NUP188: variants seen among roughly 807,000 people sequenced by gnomAD.
The protein encoded by NUP188 is nucleoporin 188, also known as nucleoporin NUP188.
In NUP188, 97 loss-of-function variants were observed where a neutral mutation model predicts 223.0. The observed-to-expected ratio is 0.43, with a 90% CI of 0.37 to 0.51. The LOEUF (loss-of-function observed/expected upper bound fraction) is 0.51. NUP188 is among the 20% of genes least tolerant of loss of function. The pLI, the probability that NUP188 is intolerant of heterozygous loss-of-function variation, is 0.00. For missense variants in NUP188, 1,947 were observed against 2,175.6 expected (o/e 0.89, Z 2.09); for synonymous variants, 869 against 828.0 (o/e 1.05, Z -0.85).
At chr9:129,003,120 G>T in intron 37 of NUP188, 145 bp downstream of exon 37, 1 of 1,117,428 alleles carries the variant, frequency 8.9e-7, no homozygotes, top group Non-Finnish European at 1.3e-6. Context: ...TAAGTACTCT[G>T]CTGGCTCACT....
Position 128,953,918 on chromosome 9 carries a change from C to T in NUP188, c.161+1072C>T, listed in dbSNP as rs534595814. On this transcript the variant is annotated intron_variant, in intron 3 of 43. Coordinates refer to ENST00000372577, the MANE Select transcript of NUP188 (RefSeq NM_015354.3). ...CATCTCAGCTTACTGCAACCTCCAC[C>T]TCCCGGGTTCAAGTGATTCGCTTGC... is the stretch of plus-strand genomic sequence containing the variant. 5.9e-5 allele frequency among the ~76,000 whole-genome samples: 9 copies of T among 152,150 alleles called. No homozygotes were observed. The South Asian group carries it at 1.2e-3, about 21-fold the overall frequency.
chr9:128,996,733 A>G (rs979244218), intron 30 of NUP188, among the ~76,000 whole-genome samples: 3 of 152,168 alleles, frequency 2.0e-5, no homozygotes, highest in African/African-American at 7.2e-5. Context: ...GTTAGGCAGC[A>G]GTTCTTGAAT....
At chr9:128,981,177 T>C in intron 14 of NUP188, 87 bp from the exon 15 acceptor site, 2 of 1,498,214 alleles carry the variant, frequency 1.3e-6, no homozygotes, top group Non-Finnish European at 1.8e-6. Flanking sequence ...GCAAGAAGTT[T>C]GAGAGTCTGG....
At chr9:128,997,401 G>C (rs1179279769) in intron 30 of NUP188, among the ~76,000 whole-genome samples, 3 of 152,204 alleles carry the variant, frequency 2.0e-5, no homozygotes, top group Non-Finnish European at 4.4e-5. Flanking sequence ...AGCAGAGGGA[G>C]GACAGAGTCT....
At position 128,959,072 on chromosome 9, in the gene NUP188, C is replaced by CA; in HGVS notation, c.524dup (p.Gln176AlafsTer7). On this transcript the variant is annotated frameshift_variant, in exon 8 of 44. Transcript: ENST00000372577. LOFTEE classifies it high-confidence loss of function. ...GAAGGAACTAGTTTCAAAATACAGACAGCAGTTCGAAGAGCTTTATAAAAC... is the reference window on the plus strand; with the variant it reads ...GAAGGAACTAGTTTCAAAATACAGACAAGCAGTTCGAAGAGCTTTATAAAAC... 6.2e-7 allele frequency: 1 copy of CA among 1,602,688 alleles called. No homozygotes were observed. The highest frequency in any genetic ancestry group is 8.5e-7 in the Non-Finnish European group (1 of 1,173,380).
In NUP188 at chr9:129,001,994, G is replaced by T; in HGVS notation, c.4137+18G>T. On this transcript the variant is annotated intron_variant, in intron 36 of 43. Transcript: ENST00000372577. ...CAGCACAGGTGAGTGTCAGGAGCTT[G>T]CCAGGAGGCCCAGCCTGACCACCCT... 1 of 1,604,184 alleles carries T rather than the reference G, an allele frequency of 6.2e-7. No homozygotes were observed.
chr9:128,990,739 C>A (rs1042624985), intron 25 of NUP188, among the ~76,000 whole-genome samples: 1 of 152,236 alleles, frequency 6.6e-6, no homozygotes, highest in African/African-American at 2.4e-5. Flanking sequence ...ATGGCAGGCG[C>A]CTGTAGTCCC....
intron 8 of NUP188, among the ~76,000 whole-genome samples, chr9:128,964,916 C>G (rs960493911): frequency 6.6e-6 from 1 of 151,966 alleles, no homozygotes; most frequent in African/African-American, 2.4e-5. Flanking sequence ...CCATGTTGGC[C>G]AGGCTAGTCT....
intron 38 of NUP188, chr9:129,004,139 TGGTG>T (rs1219131233): frequency 2.6e-5 from 4 of 156,602 alleles, no homozygotes; most frequent in Non-Finnish European, 5.6e-5. Context: ...TAGCTGGGTG[TGGTG>T]GCACACGCCT....
chr9:128,999,164 C>G lies in NUP188; in HGVS notation c.3516-8C>G. 1 of 1,613,558 alleles carries G rather than the reference C, an allele frequency of 6.2e-7. No individual in the cohort carries two copies. The highest frequency in any genetic ancestry group is 8.5e-7 in the Non-Finnish European group (1 of 1,179,684). ...CACCACGCCTGGCCCACCCAGTATT[C>G]TTTCTAGAGAGTTAGGTTCTGTGGA... On this transcript the variant is annotated splice_region_variant and splice_polypyrimidine_tract_variant and intron_variant, in intron 32 of 43. Coordinates refer to ENST00000372577, the MANE Select transcript of NUP188 (RefSeq NM_015354.3).
At position 128,999,232 on chromosome 9, in the gene NUP188, G is replaced by T; in HGVS notation, c.3576G>T (p.Leu1192=). ...GPLTEILEGV[L]QADQQLMEKT... is the part of the protein sequence containing the mutation. ...TGACGGAGATCCTGGAGGGAGTGCTGCAGGCCGACCAGCAACTCATGGAGA... is the reference window on the plus strand; with the variant it reads ...TGACGGAGATCCTGGAGGGAGTGCTTCAGGCCGACCAGCAACTCATGGAGA... Residue 1192 remains leucine (L), a synonymous_variant, in exon 33 of 44, where the codon CTG becomes CTT. Coordinates refer to ENST00000372577, the MANE Select transcript of NUP188 (RefSeq NM_015354.3). The T allele has an allele frequency of 6.2e-7, 1 of 1,614,070 alleles. No individual in the cohort carries two copies. Among genetic ancestry groups the T allele is most frequent in the Non-Finnish European group, 8.5e-7 (1 of 1,179,934 alleles).
rs752475247 is a variant in NUP188, at chr9:129,002,839, C to T, written c.4160C>T (p.Ser1387Phe). 2.5e-6 allele frequency: 4 copies of T among 1,614,022 alleles called. No individual in the cohort carries two copies. The highest frequency in any genetic ancestry group is 4.5e-5 in the East Asian group (2 of 44,896). Residue 1387 changes from serine (S) to phenylalanine (F), a missense_variant, in exon 37 of 44, where the codon TCC becomes TTC. Ser to Phe is a radical substitution (Grantham distance 155). Around this residue, in one of 3 missense-constraint regions of NUP188, gnomAD observed 905 missense variants for 990.6 expected, o/e 0.91. Coordinates refer to ENST00000372577, the MANE Select transcript of NUP188 (RefSeq NM_015354.3). Reference protein sequence around the residue: ...TAQTPSASRKSLDAPSWPGVY... With the variant: ...TAQTPSASRKFLDAPSWPGVY... Reference sequence around the variant, plus strand: ...TAGACACCTAGTGCCTCTCGGAAGTCCCTGGATGCCCCCTCTTGGCCAGGA... The same window carrying T: ...TAGACACCTAGTGCCTCTCGGAAGTTCCTGGATGCCCCCTCTTGGCCAGGA...
At chr9:129,002,156 G>A in intron 36 of NUP188, among the ~76,000 whole-genome samples, 180 bp downstream of exon 36, 1 of 152,224 alleles carries the variant, frequency 6.6e-6, no homozygotes, top group East Asian at 1.9e-4. Flanking sequence ...CCACTAAAAG[G>A]CACCGCCTGG....
At chr9:129,002,659 G>C (rs551942900) in intron 36 of NUP188, among the ~76,000 whole-genome samples, 158 bp from the exon 37 acceptor site, 4 of 152,248 alleles carry the variant, frequency 2.6e-5, no homozygotes, top group Non-Finnish European at 5.9e-5. Context: ...GAATCTGCTG[G>C]TGTTGGCCCC....
chr9:128,977,415 G>A (rs980786597), intron 12 of NUP188, among the ~76,000 whole-genome samples: 3 of 151,654 alleles, frequency 2.0e-5, no homozygotes, highest in Non-Finnish European at 4.4e-5. Flanking sequence ...CACCGTGCCC[G>A]ACCAGGTACT....
intron 15 of NUP188, among the ~76,000 whole-genome samples, chr9:128,981,807 G>T (rs1842258040): frequency 6.6e-6 from 1 of 152,136 alleles, no homozygotes. Flanking sequence ...AGGTGTAGTG[G>T]CTCACGCCTG....
At chr9:129,000,169 C>G (rs554613271) in intron 34 of NUP188, among the ~76,000 whole-genome samples, 37 of 152,330 alleles carry the variant, frequency 2.4e-4, no homozygotes, top group African/African-American at 7.7e-4. Context: ...AAAGATCACT[C>G]TGGACTTAAA....
Position 129,005,378 on chromosome 9 carries a change from C to CT in NUP188, c.4585_4586insT (p.Pro1529LeufsTer10), listed in dbSNP as rs796642114. ...GCCACCGTCTGCTGCTTCTGCTGCC[C>CT]CCTCCTCCTCAAAGCAGCCCGCTGC... On this transcript the variant is annotated frameshift_variant, in exon 40 of 44. Transcript: ENST00000372577. LOFTEE classifies it high-confidence loss of function. The CT allele has an allele frequency of 6.2e-7, 1 of 1,613,424 alleles. No individual in the cohort carries two copies. The highest frequency in any genetic ancestry group is 8.5e-7 in the Non-Finnish European group (1 of 1,180,022).
At chr9:128,957,522 T>C (rs1282271304) in intron 5 of NUP188, among the ~76,000 whole-genome samples, 1 of 151,696 alleles carries the variant, frequency 6.6e-6, no homozygotes, top group African/African-American at 2.4e-5. Flanking sequence ...TGGAGTGCAA[T>C]GGCGTGATCT....
Sources: gnomAD v4.1 joint callset for allele counts (sites outside exome capture counted in the v4.1 genomes callset) on GRCh38, gnomAD v4.1.1 for gene constraint, gnomAD v4.1.1 regional missense constraint, MANE v1.5 for transcripts, NCBI Gene and HGNC (gene_info 2026-07-23, HGNC 2026-07-21) for gene names.